NUP155: variants seen among roughly 807,000 people sequenced by gnomAD.
NUP155 encodes nuclear pore complex protein Nup155.
NUP155 carries 71 observed loss-of-function variants against 180.4 expected under a neutral mutation model. The ratio of observed to expected loss-of-function variants is 0.39; its 90% CI spans 0.33 to 0.48. The LOEUF is 0.48. Among genes scored for constraint, NUP155 ranks in the 20% least tolerant of loss-of-function variants. The pLI is 0.91. For synonymous variants in NUP155, 582 were observed against 559.5 expected (o/e 1.04, Z -0.57); for missense variants, 1,553 against 1,648.9 (o/e 0.94, Z 1.01).
intron 13 of NUP155, among the ~76,000 whole-genome samples, chr5:37,332,552 T>C (rs1261719053): frequency 1.3e-5 from 2 of 151,946 alleles, no homozygotes; most frequent in African/African-American, 4.8e-5. Flanking sequence ...GTTTTTGCCA[T>C]TACAATCAAT....
At chr5:37,367,907 C>T (rs915983850) in intron 1 of NUP155, among the ~76,000 whole-genome samples, 5 of 152,182 alleles carry the variant, frequency 3.3e-5, no homozygotes, top group African/African-American at 1.2e-4. Context: ...CCTCAGCCTC[C>T]TGAATAACTG....
intron 1 of NUP155, 87 bp from the exon 2 acceptor site, chr5:37,364,471 G>C: frequency 8.6e-7 from 1 of 1,158,348 alleles, no homozygotes; most frequent in Non-Finnish European, 1.3e-6. Flanking sequence ...AAAAATTGTT[G>C]TGTGTTGGTT....
intron 22 of NUP155, among the ~76,000 whole-genome samples, chr5:37,312,700 G>C (rs1425452099): frequency 6.6e-6 from 1 of 152,128 alleles, no homozygotes; most frequent in Non-Finnish European, 1.5e-5. Flanking sequence ...GTAGTGGTGC[G>C]TGCCTATAGT....
chr5:37,334,113 T>C (rs1268090854), intron 12 of NUP155, among the ~76,000 whole-genome samples: 1 of 151,760 alleles, frequency 6.6e-6, no homozygotes, highest in African/African-American at 2.4e-5. Flanking sequence ...TGGGGTTTTT[T>C]TTTTTTGAGA....
chr5:37,301,612 A>G, intron 29 of NUP155, 62 bp from the exon 30 acceptor site: 1 of 1,000,304 alleles, frequency 1.0e-6, no homozygotes, highest in African/African-American at 1.6e-5. Flanking sequence ...TACGTTTGAA[A>G]GAACGGATCC....
rs1043989342 is a variant in NUP155 at position 37,291,832 on chromosome 5, C to T, written c.*68G>A. 4.2e-6 allele frequency: 6 copies of T among 1,430,312 alleles called. No individual in the cohort carries two copies. In the African/African-American group the frequency reaches 7.1e-5, roughly 17 times the overall value. 88.6% of individuals were successfully genotyped at this position (1,430,312 alleles called of 1,614,324 possible). ...TCTTACATTCTTAGATTTAGAACACCTGATATCTGGACCCAGCTGAGTTTT... is the reference window on the plus strand; with the variant it reads ...TCTTACATTCTTAGATTTAGAACACTTGATATCTGGACCCAGCTGAGTTTT... On this transcript the variant is annotated 3_prime_UTR_variant, in exon 35 of 35. Coordinates refer to ENST00000231498, the MANE Select transcript of NUP155 (RefSeq NM_153485.3).
Position 37,307,966 on chromosome 5 carries a change from T to C in NUP155, c.2768-534A>G, listed in dbSNP as rs1271018300. Among the ~76,000 whole-genome samples the C allele has an allele frequency of 1.4e-5, 2 of 147,766 alleles. 1 individual carries two copies. The highest frequency in any genetic ancestry group is 1.3e-4 in the Admixed American group (2 of 14,830). ...GGAAAAAAAAAAATATATATATATA[T>C]ATATTTCTTCATTGGAAAAAAAAGA... On this transcript the variant is annotated intron_variant, in intron 24 of 34. Coordinates refer to ENST00000231498, the MANE Select transcript of NUP155 (RefSeq NM_153485.3).
chr5:37,326,413 C>T (rs796207556), intron 18 of NUP155, among the ~76,000 whole-genome samples: 2 of 152,268 alleles, frequency 1.3e-5, no homozygotes, highest in African/African-American at 4.8e-5. Context: ...GATTTGATGT[C>T]TCTCCCCTAA....
chr5:37,297,168 C>T (rs79502466), intron 32 of NUP155, among the ~76,000 whole-genome samples: 24,249 of 152,054 alleles, frequency 0.16, 1,979 homozygotes, highest in South Asian at 0.2. Context: ...ACTATAGGCA[C>T]GTGCTACCAT....
intron 11 of NUP155, among the ~76,000 whole-genome samples, chr5:37,338,647 C>T (rs1051628778): frequency 1.1e-4 from 17 of 152,008 alleles, no homozygotes; most frequent in African/African-American, 2.7e-4. Flanking sequence ...CCTCGTGATC[C>T]GCCCAACTTG....
rs1438738147 is a variant in NUP155, at chr5:37,289,851, CAG to C, written c.*2047_*2048del. The C allele has an allele frequency of 6.6e-6, 1 of 152,174 alleles. No individual in the cohort carries two copies. The highest frequency in any genetic ancestry group is 2.4e-5 in the African/African-American group (1 of 41,438). The allele number at this position is 152,174 out of a possible 1,614,324, so 9.4% of individuals were successfully genotyped here. ...AGGCCTTCCTTTTAAGTAGACATGA[CAG>C]AATTTTAAATTTATAAAACGAATTA... is the stretch of plus-strand genomic sequence containing the variant. On this transcript the variant is annotated 3_prime_UTR_variant, in exon 35 of 35. Transcript: ENST00000231498.
chr5:37,321,593 T>G (rs1340897392), intron 20 of NUP155, among the ~76,000 whole-genome samples: 1 of 151,570 alleles, frequency 6.6e-6, no homozygotes, highest in Non-Finnish European at 1.5e-5. Flanking sequence ...GGCACATGCA[T>G]GTAATCCCAG....
intron 21 of NUP155, among the ~76,000 whole-genome samples, chr5:37,316,943 A>G (rs1322396450): frequency 2.1e-5 from 3 of 142,626 alleles, no homozygotes; most frequent in Non-Finnish European, 3.1e-5. Flanking sequence ...TGGGCGGATC[A>G]TGAGGTCAGG....
rs1353188888 is a variant in NUP155 at position 37,291,048 on chromosome 5, T to C, written c.*852A>G. Reference sequence around the variant, plus strand: ...CAGGACACAACATTAGTTACAAGTTTTATCACCTGCTCAACCAGGTATATA... The same window carrying C: ...CAGGACACAACATTAGTTACAAGTTCTATCACCTGCTCAACCAGGTATATA... On this transcript the variant is annotated 3_prime_UTR_variant, in exon 35 of 35. Transcript: ENST00000231498. The C allele has an allele frequency of 6.6e-6, 1 of 152,176 alleles. No homozygotes were observed. The highest frequency in any genetic ancestry group is 1.9e-4 in the East Asian group (1 of 5,200). 9.4% of individuals were successfully genotyped at this position (152,176 alleles called of 1,614,324 possible).
At chr5:37,352,009 G>A (rs1254078636) in intron 5 of NUP155, among the ~76,000 whole-genome samples, 2 of 151,482 alleles carry the variant, frequency 1.3e-5, no homozygotes, top group African/African-American at 4.9e-5. Flanking sequence ...GATCACCTGA[G>A]GTCGGCAGTT....
At chr5:37,328,572 C>T (rs192214582) in intron 16 of NUP155, 152 bp from the exon 17 acceptor site, 409 of 621,970 alleles carry the variant, frequency 6.6e-4, no homozygotes, top group African/African-American at 3.2e-3. Context: ...GGCATGATCT[C>T]GGCTCACTGC....
At chr5:37,314,806 A>G (rs1292822100) in intron 21 of NUP155, among the ~76,000 whole-genome samples, 1 of 152,090 alleles carries the variant, frequency 6.6e-6, no homozygotes, top group Non-Finnish European at 1.5e-5. Context: ...TCCATCTCCA[A>G]AAAAATAAAA....
At chr5:37,366,797 G>A (rs565597103) in intron 1 of NUP155, among the ~76,000 whole-genome samples, 5 of 152,074 alleles carry the variant, frequency 3.3e-5, no homozygotes, top group Middle Eastern at 3.4e-3. Context: ...GACTACAGGC[G>A]CCTGTTGCCA....
In NUP155 at chr5:37,351,230, A is replaced by G; in HGVS notation, c.683T>C (p.Leu228Ser). 1 of 1,613,980 alleles carries G rather than the reference A, an allele frequency of 6.2e-7. No individual in the cohort carries two copies. The highest frequency in any genetic ancestry group is 8.5e-7 in the Non-Finnish European group (1 of 1,179,932). ...ATATAAACAGCCATCCTTTCCAGCC[A>G]AGAAAATTCTGCCATTATCAGTGGA... Reference protein sequence around the residue: ...ITSTDNGRIFLAGKDGCLYEV... With the variant: ...ITSTDNGRIFSAGKDGCLYEV... The change falls in exon 6 of 35, where the codon TTG becomes TCG. Residue 228 changes from leucine to serine, a missense_variant. Physicochemically the swap from Leu to Ser is moderately radical, Grantham distance 145. Coordinates refer to ENST00000231498, the MANE Select transcript of NUP155 (RefSeq NM_153485.3).
Sources: gnomAD v4.1 joint callset for allele counts (sites outside exome capture counted in the v4.1 genomes callset) on GRCh38, gnomAD v4.1.1 for gene constraint, MANE v1.5 for transcripts, NCBI Gene and HGNC (gene_info 2026-07-23, HGNC 2026-07-21) for gene names.